COL11A1: variants seen among roughly 807,000 people sequenced by gnomAD.
COL11A1 encodes collagen alpha-1(XI) chain.
A neutral mutation model predicts 265.2 loss-of-function variants in COL11A1; 74 were observed. The ratio of observed to expected loss-of-function variants is 0.28; its 90% CI spans 0.23 to 0.34. The LOEUF (loss-of-function observed/expected upper bound fraction) is 0.34. COL11A1 is among the 10% of genes least tolerant of loss of function. COL11A1 has a pLI of 1.00. For synonymous variants in COL11A1, 816 were observed against 727.6 expected, an observed-to-expected ratio of 1.12 and a Z score of -1.96; for missense variants, 2,165 against 2,263.6, an observed-to-expected ratio of 0.96 and a Z score of 0.88.
chr1:103,058,622 G>A (rs1670416981), intron 4 of COL11A1, among the ~76,000 whole-genome samples: 1 of 151,896 alleles, frequency 6.6e-6, no homozygotes, highest in African/African-American at 2.4e-5. Context: ...ACACACATAG[G>A]TCATTGTGGG....
intron 57 of COL11A1, 36 bp downstream of exon 57, chr1:102,898,089 T>C (rs1652676783): frequency 1.4e-6 from 2 of 1,443,324 alleles, no homozygotes; most frequent in East Asian, 2.4e-5. Context: ...TTTTAGAAAT[T>C]CTCACTTTTT....
Position 102,886,792 on chromosome 1 carries a change from GTAT to G in COL11A1, c.4858+12_4858+14del. Reference sequence around the variant, plus strand: ...GGGCTCGGTACATTTGCTTTGTCATGTATTATTTACATACCATCTGGGAAGTCA... The same window carrying G: ...GGGCTCGGTACATTTGCTTTGTCATGTATTTACATACCATCTGGGAAGTCA... On this transcript the variant is annotated intron_variant, in intron 63 of 66. Transcript: ENST00000370096. The G allele has an allele frequency of 6.2e-7, 1 of 1,613,720 alleles. No individual in the cohort carries two copies. Among genetic ancestry groups the G allele is most frequent in the Non-Finnish European group, 8.5e-7 (1 of 1,179,698 alleles).
intron 45 of COL11A1, 91 bp downstream of exon 45, chr1:102,934,969 C>T (rs1657992269): frequency 2.5e-6 from 3 of 1,194,112 alleles, no homozygotes; most frequent in Admixed American, 1.8e-5. Flanking sequence ...AAACTTATTA[C>T]CCCACAAAAT....
chr1:103,052,158 A>G (rs796529308), intron 4 of COL11A1, among the ~76,000 whole-genome samples: 41 of 147,014 alleles, frequency 2.8e-4, no homozygotes, highest in African/African-American at 8.6e-4. Context: ...CTCTACTCTA[A>G]GTACCTTTTA....
chr1:103,058,266 T>C (rs1475332620), intron 4 of COL11A1, among the ~76,000 whole-genome samples: 1 of 152,182 alleles, frequency 6.6e-6, no homozygotes, highest in Non-Finnish European at 1.5e-5. Context: ...TCTCTGAGCT[T>C]TCACAGAATT....
chr1:102,957,353 T>C (rs372837345), intron 41 of COL11A1, among the ~76,000 whole-genome samples: 5 of 152,082 alleles, frequency 3.3e-5, no homozygotes, highest in African/African-American at 1.2e-4. Flanking sequence ...ATACAAACTT[T>C]GCAAATATCA....
intron 46 of COL11A1, among the ~76,000 whole-genome samples, chr1:102,930,962 G>A (rs139623515): frequency 0.65 from 93,893 of 144,922 alleles, 33,633 homozygotes; most frequent in East Asian, 0.98. Flanking sequence ...TTTTTATTGC[G>A]TCTATTTGAT....
intron 46 of COL11A1, among the ~76,000 whole-genome samples, chr1:102,931,849 G>A (rs897741772): frequency 6.6e-6 from 1 of 151,184 alleles, no homozygotes; most frequent in Non-Finnish European, 1.5e-5. Flanking sequence ...TTATGTAATG[G>A]CCTTCTTTGT....
At position 102,913,704 on chromosome 1, in the gene COL11A1, T is replaced by C. The variant is rs186245518; in HGVS notation, c.3979-14A>G. The C allele has an allele frequency of 2.0e-5, 33 of 1,611,854 alleles. No individual in the cohort carries two copies. Among genetic ancestry groups the C allele is most frequent in the Admixed American group, 3.3e-5 (2 of 59,952 alleles). Reference sequence around the variant, plus strand: ...ACCATCTTGACCCTATAAGAGGCAATAAAATATGAAGCAAGATATATCTCA... The same window carrying C: ...ACCATCTTGACCCTATAAGAGGCAACAAAATATGAAGCAAGATATATCTCA... On this transcript the variant is annotated splice_polypyrimidine_tract_variant and intron_variant, in intron 52 of 66. Coordinates refer to ENST00000370096, the MANE Select transcript of COL11A1 (RefSeq NM_001854.4).
intron 36 of COL11A1, among the ~76,000 whole-genome samples, chr1:102,972,908 A>T (rs970087986): frequency 1.3e-5 from 2 of 151,326 alleles, no homozygotes; most frequent in Non-Finnish European, 2.9e-5. Context: ...ATATTCCCAA[A>T]ATATGCCGAT....
rs1661045613 is a variant in COL11A1 at position 102,962,776 on chromosome 1, A to C, written c.2917-16T>G. 1.2e-6 allele frequency: 2 copies of C among 1,607,832 alleles called. No homozygotes were observed. Among genetic ancestry groups the C allele is most frequent in the South Asian group, 2.2e-5 (2 of 90,984 alleles). Reference sequence around the variant, plus strand: ...CGGTTGGTCCCTAAATTAGATAAGCAAAATCACTTTAGATTGCTCTTTTAT... The same window carrying C: ...CGGTTGGTCCCTAAATTAGATAAGCCAAATCACTTTAGATTGCTCTTTTAT... On this transcript the variant is annotated splice_polypyrimidine_tract_variant and intron_variant, in intron 38 of 66. Transcript: ENST00000370096.
chr1:103,009,094 C>A (rs1665895694), intron 14 of COL11A1, among the ~76,000 whole-genome samples: 1 of 152,106 alleles, frequency 6.6e-6, no homozygotes, highest in African/African-American at 2.4e-5. Context: ...GTCTGTATAA[C>A]AAACATCTCT....
chr1:102,921,422 A>T, intron 48 of COL11A1, 96 bp downstream of exon 48: 13 of 968,008 alleles, frequency 1.3e-5, no homozygotes, highest in Non-Finnish European at 2.1e-5. Context: ...ATTAAACAAT[A>T]GTTTAATATT....
intron 37 of COL11A1, among the ~76,000 whole-genome samples, chr1:102,965,746 T>C (rs945117158): frequency 6.6e-6 from 1 of 152,240 alleles, no homozygotes; most frequent in Non-Finnish European, 1.5e-5. Context: ...ATATTTCACA[T>C]GGTAGGGCAA....
At chr1:103,035,118 T>C (rs1297426111) in intron 4 of COL11A1, among the ~76,000 whole-genome samples, 1 of 152,078 alleles carries the variant, frequency 6.6e-6, no homozygotes, top group Non-Finnish European at 1.5e-5. Flanking sequence ...CTCTCACTTT[T>C]TGCTAGGTAG....
intron 46 of COL11A1, among the ~76,000 whole-genome samples, chr1:102,925,279 G>GC (rs1223924409): frequency 6.6e-6 from 1 of 151,976 alleles, no homozygotes; most frequent in Non-Finnish European, 1.5e-5. Context: ...ATAGATGATA[G>GC]CCTTTGATAT....
At position 102,946,240 on chromosome 1, in the gene COL11A1, A is replaced by C. The variant is rs571384724; in HGVS notation, c.3276+609T>G. Among the ~76,000 whole-genome samples, 39 of 148,878 alleles carry C rather than the reference A, an allele frequency of 2.6e-4. 1 individual carries two copies. Among genetic ancestry groups the C allele is most frequent in the African/African-American group, 9.4e-4 (38 of 40,560 alleles). Reference sequence around the variant, plus strand: ...ATACCTAATGCTAAATGACGAGTTAATGGGTGCAGCACACCAGCATGGCAC... The same window carrying C: ...ATACCTAATGCTAAATGACGAGTTACTGGGTGCAGCACACCAGCATGGCAC... On this transcript the variant is annotated intron_variant, in intron 42 of 66. Transcript: ENST00000370096.
intron 2 of COL11A1, among the ~76,000 whole-genome samples, chr1:103,081,522 T>C (rs1182479205): frequency 1.3e-5 from 2 of 151,972 alleles, no homozygotes; most frequent in Non-Finnish European, 2.9e-5. Context: ...TTATTCTTTA[T>C]ATTTTCAGTT....
intron 49 of COL11A1, among the ~76,000 whole-genome samples, chr1:102,919,731 A>G (rs920436443): frequency 3.3e-5 from 5 of 152,052 alleles, no homozygotes; most frequent in African/African-American, 1.2e-4. Context: ...AATCATGTTC[A>G]CAAGAAAAAA....
Sources: gnomAD v4.1 joint callset for allele counts (sites outside exome capture counted in the v4.1 genomes callset) on GRCh38, gnomAD v4.1.1 for gene constraint, MANE v1.5 for transcripts, NCBI Gene and HGNC (gene_info 2026-07-23, HGNC 2026-07-21) for gene names.